ATP10B: variants seen among roughly 807,000 people sequenced by gnomAD.
The protein encoded by ATP10B is phospholipid-transporting ATPase VB.
In ATP10B, 122 loss-of-function variants were observed where a neutral mutation model predicts 141.2. The observed-to-expected ratio is 0.86, with a 90% CI of 0.75 to 1.00. ATP10B has a LOEUF of 1.00. Among genes scored for constraint, ATP10B ranks in the 50% least tolerant of loss-of-function variants. ATP10B has a pLI of 0.00. For missense variants in ATP10B, 1,876 were observed against 1,825.3 expected (o/e 1.03, Z -0.51); for synonymous variants, 685 against 692.0 (o/e 0.99, Z 0.16).
rs565411645 is a variant in ATP10B, at chr5:160,772,735, C to T, written c.-331+12824G>A. Reference sequence around the variant, plus strand: ...TGCTGCTCACCTCCTACTATGCTGCCCATTTCCTACTGATCCATGGCCTGG... The same window carrying T: ...TGCTGCTCACCTCCTACTATGCTGCTCATTTCCTACTGATCCATGGCCTGG... On this transcript the variant is annotated intron_variant, in intron 2 of 25. Transcript: ENST00000327245. 7.2e-5 allele frequency among the ~76,000 whole-genome samples: 11 copies of T among 152,290 alleles called. No individual in the cohort carries two copies. In the South Asian group the frequency reaches 2.3e-3, roughly 32 times the overall value.
intron 2 of ATP10B, among the ~76,000 whole-genome samples, chr5:160,761,310 A>G (rs1195572586): frequency 2.0e-5 from 3 of 152,114 alleles, no homozygotes; most frequent in African/African-American, 7.2e-5. Context: ...TCCCCTGCCA[A>G]CTCCACTAGA....
chr5:160,784,663 C>T (rs529973507), intron 2 of ATP10B, among the ~76,000 whole-genome samples: 1 of 152,170 alleles, frequency 6.6e-6, no homozygotes, highest in Non-Finnish European at 1.5e-5. Context: ...TATCTAGAGT[C>T]TAAGTATTTC....
At chr5:160,819,098 T>C (rs1011654604) in intron 1 of ATP10B, among the ~76,000 whole-genome samples, 2 of 152,038 alleles carry the variant, frequency 1.3e-5, no homozygotes, top group African/African-American at 2.4e-5. Context: ...TGTATACATA[T>C]GTAACTAACC....
chr5:160,571,126 TCA>T (rs1754849854), intron 24 of ATP10B, among the ~76,000 whole-genome samples: 1 of 152,196 alleles, frequency 6.6e-6, no homozygotes, highest in Admixed American at 6.5e-5. Context: ...AAAATTCTCA[TCA>T]CAGTCTTTTC....
chr5:160,579,179 T>G (rs1327701717), intron 24 of ATP10B, among the ~76,000 whole-genome samples: 1 of 152,344 alleles, frequency 6.6e-6, no homozygotes, highest in East Asian at 1.9e-4. Context: ...TTTAATTAGA[T>G]CCCATTTTCA....
chr5:160,880,287 T>C, the ATP10B span, among the ~76,000 whole-genome samples: 5 of 147,490 alleles, frequency 3.4e-5, no homozygotes, highest in African/African-American at 1.2e-4. Flanking sequence ...GAAACTATGA[T>C]GAAAGAAATC....
chr5:160,778,816 C>T (rs368880477), intron 2 of ATP10B, among the ~76,000 whole-genome samples: 1 of 152,160 alleles, frequency 6.6e-6, no homozygotes, highest in East Asian at 1.9e-4. Flanking sequence ...GCGAAAGGCA[C>T]AGTGGCAATA....
chr5:160,640,809 C>T (rs749402394), intron 9 of ATP10B, among the ~76,000 whole-genome samples: 1 of 152,214 alleles, frequency 6.6e-6, no homozygotes, highest in African/African-American at 2.4e-5. Context: ...GCATGCCAGA[C>T]ACTGTGGTGG....
chr5:160,799,235 A>C (rs1293586246), intron 1 of ATP10B, among the ~76,000 whole-genome samples: 2 of 152,204 alleles, frequency 1.3e-5, no homozygotes, highest in Non-Finnish European at 2.9e-5. Context: ...TGCCATTTGC[A>C]GTGTCCTCCA....
intron 24 of ATP10B, among the ~76,000 whole-genome samples, chr5:160,586,482 G>A (rs1465993621): frequency 6.6e-6 from 1 of 152,072 alleles, no homozygotes. Context: ...TAATGCTTTG[G>A]GTACATCCCC....
intron 2 of ATP10B, among the ~76,000 whole-genome samples, chr5:160,751,194 T>C (rs553844891): frequency 5.6e-4 from 85 of 152,262 alleles, no homozygotes; most frequent in Middle Eastern, 3.4e-3. Context: ...ATTGCTTTCC[T>C]TTCCTCCTCT....
In ATP10B at chr5:160,629,350, A is replaced by T. The variant is rs577042574; in HGVS notation, c.1620+2779T>A. Among the ~76,000 whole-genome samples the T allele has an allele frequency of 5.3e-5, 8 of 152,092 alleles. 2 individuals are homozygous for T. The highest frequency in any genetic ancestry group is 1.9e-4 in the African/African-American group (8 of 41,488). On this transcript the variant is annotated intron_variant, in intron 13 of 25. Coordinates refer to ENST00000327245, the MANE Select transcript of ATP10B (RefSeq NM_025153.3). ...AGAGTCCTTAAAGGCTGCATACTTC[A>T]CTCCCTTCAGCAAATGCCTCCCAAG...
rs1771100692 is a variant in ATP10B at position 160,785,770 on chromosome 5, A to C, written c.-542T>G. The C allele has an allele frequency of 1.0e-6, 1 of 995,302 alleles. No individual in the cohort carries two copies. Among genetic ancestry groups the C allele is most frequent in the South Asian group, 1.6e-5 (1 of 62,170 alleles). The allele number at this position is 995,302 out of a possible 1,614,324, so 61.7% of individuals were successfully genotyped here. A position where few individuals can be genotyped will look rare whatever the true frequency, so the allele number is the denominator to read the frequency against. The stretch of plus-strand genomic sequence containing the variant: ...TGTTGCTTTCATTGAAACAAATGTC[A>C]CCAGTCGGTTCTGATTCTCTTGTCA... On this transcript the variant is annotated 5_prime_UTR_variant, in exon 2 of 26. Coordinates refer to ENST00000327245, the MANE Select transcript of ATP10B (RefSeq NM_025153.3).
At chr5:160,686,433 G>A (rs78235523) in intron 5 of ATP10B, among the ~76,000 whole-genome samples, 160 bp from the exon 6 acceptor site, 1 of 152,306 alleles carries the variant, frequency 6.6e-6, no homozygotes, top group Non-Finnish European at 1.5e-5. Flanking sequence ...CCATCTAGAT[G>A]TATTTATTAT....
intron 1 of ATP10B, among the ~76,000 whole-genome samples, chr5:160,841,209 A>G (rs2127986648): frequency 6.6e-6 from 1 of 152,320 alleles, no homozygotes; most frequent in Non-Finnish European, 1.5e-5. Context: ...CATACATTCA[A>G]TGGAATACAA....
chr5:160,593,344 T>C (rs1268902736), intron 22 of ATP10B, among the ~76,000 whole-genome samples: 4 of 152,218 alleles, frequency 2.6e-5, no homozygotes, highest in Non-Finnish European at 5.9e-5. Flanking sequence ...CCAACAGACC[T>C]GCAGCTGAGG....
intron 7 of ATP10B, among the ~76,000 whole-genome samples, chr5:160,659,121 C>T (rs1761715126): frequency 6.6e-6 from 1 of 152,114 alleles, no homozygotes; most frequent in East Asian, 1.9e-4. Context: ...AGATATAATT[C>T]ATTAATACCT....
At chr5:160,822,033 C>T (rs1428993346) in intron 1 of ATP10B, among the ~76,000 whole-genome samples, 1 of 152,076 alleles carries the variant, frequency 6.6e-6, no homozygotes, top group Non-Finnish European at 1.5e-5. Context: ...AGTTAAAAAT[C>T]TTCAGCACAG....
At chr5:160,873,715 C>CA in the ATP10B span, among the ~76,000 whole-genome samples, 1 of 152,244 alleles carries the variant, frequency 6.6e-6, no homozygotes, top group African/African-American at 2.4e-5. Context: ...GGCACTGCCT[C>CA]ACTTGGGAAG....
Sources: gnomAD v4.1 joint callset for allele counts (sites outside exome capture counted in the v4.1 genomes callset) on GRCh38, gnomAD v4.1.1 for gene constraint, MANE v1.5 for transcripts, NCBI Gene and HGNC (gene_info 2026-07-23, HGNC 2026-07-21) for gene names.